RB1CC1: variants seen among roughly 807,000 people sequenced by gnomAD.
RB1CC1 encodes RB1-inducible coiled-coil protein 1.
A neutral mutation model predicts 177.5 loss-of-function variants in RB1CC1; 46 were observed. The ratio of observed to expected loss-of-function variants is 0.26; its 90% CI spans 0.20 to 0.33. RB1CC1 has a LOEUF of 0.33. RB1CC1 is among the 10% of genes least tolerant of loss of function. The pLI is 1.00. For synonymous variants in RB1CC1, 666 were observed against 613.6 expected, an observed-to-expected ratio of 1.09 and a Z score of -1.26; for missense variants, 1,703 against 1,816.3, an observed-to-expected ratio of 0.94 and a Z score of 1.13.
At chr8:52,629,543 G>A (rs917507909) in intron 21 of RB1CC1, among the ~76,000 whole-genome samples, 1 of 152,162 alleles carries the variant, frequency 6.6e-6, no homozygotes, top group African/African-American at 2.4e-5. Flanking sequence ...TTCAGGCCAT[G>A]ACAAAAGGCA....
In RB1CC1 at chr8:52,656,190, C is replaced by G; in HGVS notation, c.3639G>C (p.Glu1213Asp). 1 of 1,613,760 alleles carries G rather than the reference C, an allele frequency of 6.2e-7. No individual in the cohort carries two copies. Among genetic ancestry groups the G allele is most frequent in the Admixed American group, 1.7e-5 (1 of 60,006 alleles). Residue 1213 changes from glutamate (E) to aspartate (D), a missense_variant, in exon 15 of 24, where the codon GAG (glutamate) becomes GAC (aspartate). This residue lies in a region of RB1CC1 where 1,169 missense variants were observed against 1,184.7 expected (regional missense o/e 0.99). Transcript: ENST00000025008. ...TGCTGACCAATTTTTGTCTGTCTTT[C>G]TCAAGGTTCTGGATAATAGCTTCGT... ...EKYEAIIQNL[E>D]KDRQKLVSSQ...
At chr8:52,631,994 C>T (rs1231563977) in intron 20 of RB1CC1, among the ~76,000 whole-genome samples, 1 of 152,162 alleles carries the variant, frequency 6.6e-6, no homozygotes, top group Non-Finnish European at 1.5e-5. Context: ...TCTGAGATGT[C>T]TCAGTTTAAA....
intron 1 of RB1CC1, among the ~76,000 whole-genome samples, chr8:52,712,800 A>G (rs1035938224): frequency 6.6e-6 from 1 of 152,228 alleles, no homozygotes; most frequent in Non-Finnish European, 1.5e-5. Context: ...TATTGAGAAA[A>G]TATCTTCATT....
At chr8:52,655,218 T>C (rs1488992110) in intron 15 of RB1CC1, among the ~76,000 whole-genome samples, 1 of 151,924 alleles carries the variant, frequency 6.6e-6, no homozygotes, top group Non-Finnish European at 1.5e-5. Context: ...AATATATGAG[T>C]ATTATAGAGC....
chr8:52,698,551 A>C (rs532343522), intron 1 of RB1CC1, among the ~76,000 whole-genome samples: 17 of 151,640 alleles, frequency 1.1e-4, no homozygotes, highest in Admixed American at 2.0e-4. Flanking sequence ...CGACCTCGTG[A>C]TCCGCCTGCC....
At chr8:52,699,866 A>AC (rs1563465688) in intron 1 of RB1CC1, among the ~76,000 whole-genome samples, 1 of 135,564 alleles carries the variant, frequency 7.4e-6, no homozygotes, top group African/African-American at 2.7e-5. Flanking sequence ...TATACACACA[A>AC]AAACAAAAGA....
chr8:52,645,751 TTTC>T lies in RB1CC1; in HGVS notation c.3935_3937del (p.Arg1312del). ...TCGAACATTTTGCATTTCTTCATTC[TTTC>T]TTTTTTCTTGCTCTTCAAGTTGTTC... On this transcript the variant is annotated inframe_deletion, in exon 16 of 24. Coordinates refer to ENST00000025008, the MANE Select transcript of RB1CC1 (RefSeq NM_014781.5). 1 of 1,612,960 alleles carries T rather than the reference TTTC, an allele frequency of 6.2e-7. No individual in the cohort carries two copies. The highest frequency in any genetic ancestry group is 8.5e-7 in the Non-Finnish European group (1 of 1,179,600).
At chr8:52,644,622 T>A (rs950525689) in intron 16 of RB1CC1, among the ~76,000 whole-genome samples, 3 of 152,184 alleles carry the variant, frequency 2.0e-5, no homozygotes, top group Non-Finnish European at 4.4e-5. Context: ...TGGCTTCCCT[T>A]AAGCCACACA....
intron 2 of RB1CC1, 136 bp downstream of exon 2, chr8:52,686,717 T>A: frequency 3.7e-6 from 1 of 269,188 alleles, no homozygotes; most frequent in Non-Finnish European, 7.4e-6. Flanking sequence ...CCTTTACTTA[T>A]GCTCTTTCCA....
In RB1CC1 at chr8:52,673,987, T is replaced by A; in HGVS notation, c.860A>T (p.His287Leu). The A allele has an allele frequency of 6.2e-7, 1 of 1,614,202 alleles. No homozygotes were observed. The highest frequency in any genetic ancestry group is 8.5e-7 in the Non-Finnish European group (1 of 1,180,032). ...EIRESCQSTV[H>L]QQDETTIDTK... ...GTCAATCGTAGTTTCATCTTGCTGA[T>A]GAACAGTACTTTGACAAGATTCCCT... The change falls in exon 7 of 24, where the codon CAT becomes CTT. Residue 287 changes from histidine to leucine, a missense_variant. Around this residue, in one of 6 missense-constraint regions of RB1CC1, gnomAD observed 315 missense variants for 304.9 expected, o/e 1.03. Transcript: ENST00000025008.
At chr8:52,671,319 A>C (rs17252279) in intron 7 of RB1CC1, among the ~76,000 whole-genome samples, 3,015 of 152,342 alleles carry the variant, frequency 0.02, 39 homozygotes, top group Middle Eastern at 0.031. Context: ...AATCTGCAAA[A>C]ACGATAGATT....
chr8:52,678,442 A>G (rs1853357733), intron 5 of RB1CC1, among the ~76,000 whole-genome samples: 1 of 152,166 alleles, frequency 6.6e-6, no homozygotes, highest in Non-Finnish European at 1.5e-5. Context: ...AAAAAAGTAT[A>G]GTATGCTTTC....
In RB1CC1 at chr8:52,676,591, A is replaced by C. The variant is rs754602127; in HGVS notation, c.370-20T>G. 8.3e-6 allele frequency: 13 copies of C among 1,573,516 alleles called. No homozygotes were observed. The highest frequency in any genetic ancestry group is 9.5e-6 in the Non-Finnish European group (11 of 1,152,122). ...CATTTCCTATATTGAAAAAGAATAC[A>C]AAAGAAAGTAAAAGAAGGCAATGGT... is the stretch of plus-strand genomic sequence containing the variant. On this transcript the variant is annotated intron_variant, in intron 5 of 23. Coordinates refer to ENST00000025008, the MANE Select transcript of RB1CC1 (RefSeq NM_014781.5).
intron 22 of RB1CC1, among the ~76,000 whole-genome samples, chr8:52,626,859 C>A (rs1478428775): frequency 2.0e-5 from 3 of 152,082 alleles, no homozygotes; most frequent in Admixed American, 1.3e-4. Context: ...GCCAGCCTGG[C>A]CAACAAAGTG....
At chr8:52,625,435 G>A (rs1848317779) in intron 22 of RB1CC1, among the ~76,000 whole-genome samples, 1 of 152,110 alleles carries the variant, frequency 6.6e-6, no homozygotes, top group African/African-American at 2.4e-5. Context: ...AATGTGACAA[G>A]CCAAGTGGTA....
At chr8:52,643,528 T>C (rs1306853909) in intron 16 of RB1CC1, among the ~76,000 whole-genome samples, 1 of 151,144 alleles carries the variant, frequency 6.6e-6, no homozygotes, top group Non-Finnish European at 1.5e-5. Flanking sequence ...CAAGATCGAG[T>C]CTCTACAAAA....
At chr8:52,705,699 T>C (rs1427805285) in intron 1 of RB1CC1, among the ~76,000 whole-genome samples, 1 of 152,152 alleles carries the variant, frequency 6.6e-6, no homozygotes, top group Non-Finnish European at 1.5e-5. Context: ...GTTAAATAAA[T>C]TATGCCTATA....
chr8:52,624,753 T>C lies in RB1CC1; in HGVS notation c.4671A>G (p.Gly1557=). The part of the protein sequence containing the change: ...SGASRRPWVL[G]KVMEKEYCQA... ...GACAGTATTCTTTTTCCATTACTTT[T>C]CCAAGTACCCAGGGTCTTCTAGATG... The change falls in exon 23 of 24, where the codon GGA becomes GGG. Residue 1557 remains glycine (G), a synonymous_variant. Coordinates refer to ENST00000025008, the MANE Select transcript of RB1CC1 (RefSeq NM_014781.5). 6.3e-7 allele frequency: 1 copy of C among 1,598,502 alleles called. No individual in the cohort carries two copies. The highest frequency in any genetic ancestry group is 8.6e-7 in the Non-Finnish European group (1 of 1,168,958).
At chr8:52,697,073 G>A (rs1268406061) in intron 1 of RB1CC1, among the ~76,000 whole-genome samples, 1 of 152,106 alleles carries the variant, frequency 6.6e-6, no homozygotes, top group Non-Finnish European at 1.5e-5. Flanking sequence ...CCAGCTAATA[G>A]CGATTCAACT....
Sources: allele counts gnomAD v4.1 joint callset (sites outside exome capture counted in the v4.1 genomes callset), GRCh38; gene constraint gnomAD v4.1.1; regional missense constraint gnomAD v4.1.1; transcripts MANE v1.5; gene names NCBI Gene and HGNC (gene_info 2026-07-23, HGNC 2026-07-21).